Variants in ATG2A observed in about 807,000 individuals in gnomAD.
The protein encoded by ATG2A is autophagy-related protein 2 homolog A.
ATG2A carries 103 observed loss-of-function variants against 214.2 expected under a neutral mutation model. The observed-to-expected ratio is 0.48, with a 90% CI of 0.41 to 0.57. The LOEUF is 0.57. Ranked by LOEUF, ATG2A falls within the 20% of genes least tolerant of loss-of-function variation. ATG2A has a pLI of 0.00. For missense variants in ATG2A, 2,312 were observed against 2,613.2 expected (o/e 0.88, Z 2.51); for synonymous variants, 1,160 against 1,142.1 (o/e 1.02, Z -0.32).
At position 64,911,239 on chromosome 11, in the gene ATG2A, C is replaced by T. The variant is rs767644437; in HGVS notation, c.1265G>A (p.Arg422His). 5.0e-6 allele frequency: 8 copies of T among 1,613,866 alleles called. No homozygotes were observed. The highest frequency in any genetic ancestry group is 3.3e-5 in the South Asian group (3 of 91,084). ...MAPNPLLDTMRPDSLLKMTLG... is the reference protein window; with the variant it reads ...MAPNPLLDTMHPDSLLKMTLG... ...GGTCATCTTCAGCAGCGAGTCAGGG[C>T]GCATGGTGTCCAGGAGGGGGTTGGG... Residue 422 changes from arginine to histidine, a missense_variant, in exon 10 of 41, where the codon CGC becomes CAC. By Grantham distance (29) the Arg-to-His change is conservative. Coordinates refer to ENST00000377264, the MANE Select transcript of ATG2A (RefSeq NM_015104.3).
chr11:64,898,738 C>A lies in ATG2A; in HGVS notation c.4569G>T (p.Val1523=). 1 of 1,614,092 alleles carries A rather than the reference C, an allele frequency of 6.2e-7. No homozygotes were observed. The highest frequency in any genetic ancestry group is 8.5e-7 in the Non-Finnish European group (1 of 1,180,012). ...GCCGGTCTCGGACCTCCAGCTCCTG[C>A]ACGATGAACACCTGACGGGACAGCG... is the stretch of plus-strand genomic sequence containing the variant. ...ERPLSRQVFI[V]QELEVRDRLA... Residue 1523 remains valine, a synonymous_variant, in exon 32 of 41, where the codon GTG becomes GTT. Transcript: ENST00000377264. The surrounding 1 kb of genome is among the most constrained non-coding windows in gnomAD (Gnocchi z 4.5).
chr11:64,907,110 G>A, intron 19 of ATG2A, 145 bp downstream of exon 19: 1 of 1,007,704 alleles, frequency 9.9e-7, no homozygotes, highest in Non-Finnish European at 1.4e-6. Context: ...TGACAGGGTG[G>A]GCAGGCTGGC....
rs778318184 is a variant in ATG2A at position 64,907,241 on chromosome 11, G to A, written c.2832+14C>T. 27 of 1,479,040 alleles carry A rather than the reference G, an allele frequency of 1.8e-5. 1 individual carries two copies. In the Admixed American group the frequency reaches 2.6e-4, roughly 14 times the overall value. 91.6% of individuals were successfully genotyped at this position (1,479,040 alleles called of 1,614,324 possible). ...TCTGAAGTTTGGGGCCCGCCTGCCCGGGGCTGCACTCACCTTGGTCTCACA... is the reference window on the plus strand; with the variant it reads ...TCTGAAGTTTGGGGCCCGCCTGCCCAGGGCTGCACTCACCTTGGTCTCACA... On this transcript the variant is annotated intron_variant, in intron 19 of 40. Transcript: ENST00000377264.
rs1243312475 is a variant in ATG2A at position 64,913,121 on chromosome 11, G to A, written c.742C>T (p.Pro248Ser). Residue 248 changes from proline to serine, a missense_variant, in exon 6 of 41, where the codon CCC (proline) becomes TCC (serine). By Grantham distance (74) the Pro-to-Ser change is moderately conservative (BLOSUM62 -1). Coordinates refer to ENST00000377264, the MANE Select transcript of ATG2A (RefSeq NM_015104.3). This position sits in a 1 kb window ranked among gnomAD's most constrained non-coding sequence, Gnocchi z 4.3. Reference sequence around the variant, plus strand: ...GAGCAGCTGCCGATCTGCAAGGGGGGCTCTGGAGGCTCTTCCTGGGAGACG... The same window carrying A: ...GAGCAGCTGCCGATCTGCAAGGGGGACTCTGGAGGCTCTTCCTGGGAGACG... ...ELPAQEEPPE[P>S]PLQIGSCSGY... The A allele has an allele frequency of 6.3e-7, 1 of 1,579,184 alleles. No individual in the cohort carries two copies. Among genetic ancestry groups the A allele is most frequent in the Non-Finnish European group, 8.6e-7 (1 of 1,159,040 alleles).
chr11:64,913,500 T>C lies in ATG2A; in HGVS notation c.591-99A>G. ...TCTAGGGGCACGGGGTCAGGGAGCC[T>C]AGCCTGCAGAGCTGCCCCATCACAC... is the stretch of plus-strand genomic sequence containing the variant. On this transcript the variant is annotated intron_variant, in intron 4 of 40. Transcript: ENST00000377264. This position sits in a 1 kb window ranked among gnomAD's most constrained non-coding sequence, Gnocchi z 4.3. The C allele has an allele frequency of 7.1e-7, 1 of 1,409,054 alleles. No homozygotes were observed. The allele number at this position is 1,409,054 out of a possible 1,614,324, so 87.3% of individuals were successfully genotyped here. A position where few individuals can be genotyped will look rare whatever the true frequency, so the allele number is the denominator to read the frequency against.
chr11:64,909,370 G>A lies in ATG2A; in HGVS notation c.2108-3C>T. 6.2e-7 allele frequency: 1 copy of A among 1,611,798 alleles called. No individual in the cohort carries two copies. Among genetic ancestry groups the A allele is most frequent in the Non-Finnish European group, 8.5e-7 (1 of 1,178,964 alleles). On this transcript the variant is annotated splice_polypyrimidine_tract_variant and splice_region_variant and intron_variant, in intron 14 of 40. Coordinates refer to ENST00000377264, the MANE Select transcript of ATG2A (RefSeq NM_015104.3). ...CTTCCCTCCATCTTCATAGATACCT[G>A]GAGGGGGATGGGGAATTAGGGGGGT...
rs377622456 is a variant in ATG2A at position 64,913,260 on chromosome 11, G to C, written c.726+6C>G. The C allele has an allele frequency of 6.2e-6, 10 of 1,611,582 alleles. No homozygotes were observed. The highest frequency in any genetic ancestry group is 1.3e-5 in the African/African-American group (1 of 75,026). ...ACAGGGGCTGTGGGAATCAGAGCCCGCTCACCTGTGCCGGGAGCTCCTCGT... is the reference window on the plus strand; with the variant it reads ...ACAGGGGCTGTGGGAATCAGAGCCCCCTCACCTGTGCCGGGAGCTCCTCGT... On this transcript the variant is annotated splice_donor_region_variant and intron_variant, in intron 5 of 40. Transcript: ENST00000377264. The surrounding 1 kb of genome is among the most constrained non-coding windows in gnomAD (Gnocchi z 4.3).
At position 64,905,667 on chromosome 11, in the gene ATG2A, ACTC is replaced by A; in HGVS notation, c.3372-15_3372-13del. 1 of 1,613,612 alleles carries A rather than the reference ACTC, an allele frequency of 6.2e-7. No individual in the cohort carries two copies. The highest frequency in any genetic ancestry group is 8.5e-7 in the Non-Finnish European group (1 of 1,179,864). On this transcript the variant is annotated splice_polypyrimidine_tract_variant and intron_variant, in intron 23 of 40. Transcript: ENST00000377264. ...GGAGGTAGAGTGGCCTGGGGGTGAT[ACTC>A]GGGCTGGGGCCGGCTCCTTACACCT...
chr11:64,909,255 C>T lies in ATG2A; in HGVS notation c.2204+16G>A, dbSNP rs1944670882. 2 of 1,613,314 alleles carry T rather than the reference C, an allele frequency of 1.2e-6. No individual in the cohort carries two copies. The highest frequency in any genetic ancestry group is 2.7e-5 in the African/African-American group (2 of 75,044). The stretch of plus-strand genomic sequence containing the variant: ...GAACCCTCCTCTCCTGGGCCCAGTC[C>T]AGAGCCCCTACTTACTGGGGCAGGA... On this transcript the variant is annotated intron_variant, in intron 15 of 40. Coordinates refer to ENST00000377264, the MANE Select transcript of ATG2A (RefSeq NM_015104.3).
At chr11:64,908,059 C>T (rs1944623398) in intron 16 of ATG2A, among the ~76,000 whole-genome samples, 169 bp from the exon 17 acceptor site, 1 of 152,224 alleles carries the variant, frequency 6.6e-6, no homozygotes, top group African/African-American at 2.4e-5. Flanking sequence ...TGATGGCACA[C>T]CTGTGCTGTT....
At chr11:64,910,575 C>A in intron 12 of ATG2A, 41 bp downstream of exon 12, 2 of 1,561,344 alleles carry the variant, frequency 1.3e-6, no homozygotes, top group South Asian at 1.2e-5. Flanking sequence ...GGGGTCAACA[C>A]GCCATGGGGA....
rs1264040221 is a variant in ATG2A at position 64,912,427 on chromosome 11, G to C, written c.826-4C>G. On this transcript the variant is annotated splice_polypyrimidine_tract_variant and splice_region_variant and intron_variant, in intron 6 of 40. Transcript: ENST00000377264. Reference sequence around the variant, plus strand: ...CCAGCTGTCCCGCCACCTCCAACTGGGGGCCAAGGAGGCAGCCATGGAGCC... The same window carrying C: ...CCAGCTGTCCCGCCACCTCCAACTGCGGGCCAAGGAGGCAGCCATGGAGCC... 1 of 1,546,946 alleles carries C rather than the reference G, an allele frequency of 6.5e-7. No homozygotes were observed. The highest frequency in any genetic ancestry group is 2.0e-5 in the Admixed American group (1 of 50,730).
rs1221097894 is a variant in ATG2A, at chr11:64,913,345, A to T, written c.647T>A (p.Val216Glu). The T allele has an allele frequency of 6.2e-7, 1 of 1,604,628 alleles. No individual in the cohort carries two copies. The highest frequency in any genetic ancestry group is 2.2e-5 in the East Asian group (1 of 44,600). ...GTGCAGGAAGGCAGGCGGCTGATGC[A>T]CGTCCACCGGCGGCGCCTGGCTTGG... ...RDPSQAPPVD[V>E]HQPPAFLHKL... Residue 216 changes from valine (V) to glutamate (E), a missense_variant, in exon 5 of 41, where the codon GTG (valine) becomes GAG (glutamate). Transcript: ENST00000377264. This position sits in a 1 kb window ranked among gnomAD's most constrained non-coding sequence, Gnocchi z 4.3.
Position 64,895,489 on chromosome 11 carries a change from C to T in ATG2A, c.5428-47G>A, listed in dbSNP as rs1392114899. 37 of 1,484,838 alleles carry T rather than the reference C, an allele frequency of 2.5e-5. No homozygotes were observed. The South Asian group carries it at 2.6e-4, about 10-fold the overall frequency. 92.0% of individuals were successfully genotyped at this position (1,484,838 alleles called of 1,614,324 possible). A position where few individuals can be genotyped will look rare whatever the true frequency, so the allele number is the denominator to read the frequency against. On this transcript the variant is annotated intron_variant, in intron 39 of 40. Transcript: ENST00000377264. This position sits in a 1 kb window ranked among gnomAD's most constrained non-coding sequence, Gnocchi z 5.0. ...GATGAGGACAGCTGGCTGGGGCACACGTCAGCCCCAGGCCCCCAGGACAGT... is the reference window on the plus strand; with the variant it reads ...GATGAGGACAGCTGGCTGGGGCACATGTCAGCCCCAGGCCCCCAGGACAGT...
At chr11:64,900,728 C>A in intron 30 of ATG2A, 99 bp from the exon 31 acceptor site, 1 of 1,458,762 alleles carries the variant, frequency 6.9e-7, no homozygotes, top group Non-Finnish European at 9.0e-7. Context: ...CCCCGCTAGC[C>A]CCAGTCCTGG....
chr11:64,902,846 G>A (rs1173314811), intron 26 of ATG2A, among the ~76,000 whole-genome samples, 166 bp from the exon 27 acceptor site: 4 of 152,152 alleles, frequency 2.6e-5, no homozygotes, highest in Non-Finnish European at 4.4e-5. Flanking sequence ...CTGAACAGAT[G>A]AACAAACTGT....
chr11:64,903,703 G>T lies in ATG2A; in HGVS notation c.3465-43C>A. On this transcript the variant is annotated intron_variant, in intron 24 of 40. Coordinates refer to ENST00000377264, the MANE Select transcript of ATG2A (RefSeq NM_015104.3). This position sits in a 1 kb window ranked among gnomAD's most constrained non-coding sequence, Gnocchi z 4.2. ...TGAGAAGGGCCCGGGCACCGCTGCA[G>T]GGGGCAGCTCCACGGGAGCCGAGCA... The T allele has an allele frequency of 6.5e-7, 1 of 1,531,498 alleles. No individual in the cohort carries two copies. Among genetic ancestry groups the T allele is most frequent in the Non-Finnish European group, 8.8e-7 (1 of 1,133,258 alleles). The allele number at this position is 1,531,498 out of a possible 1,614,324, so 94.9% of individuals were successfully genotyped here. A position where few individuals can be genotyped will look rare whatever the true frequency, so the allele number is the denominator to read the frequency against.
rs2136642424 is a variant in ATG2A, at chr11:64,913,752, G to A, written c.590+69C>T. 2 of 1,486,712 alleles carry A rather than the reference G, an allele frequency of 1.3e-6. No individual in the cohort carries two copies. The highest frequency in any genetic ancestry group is 2.3e-5 in the East Asian group (1 of 44,156). The allele number at this position is 1,486,712 out of a possible 1,614,324, so 92.1% of individuals were successfully genotyped here. ...CTCTTCCCAGGAACCTAGGCTGCGG[G>A]TGGGGACCATCCAGCAGCCCCCACT... On this transcript the variant is annotated intron_variant, in intron 4 of 40. Transcript: ENST00000377264. The surrounding 1 kb of genome is among the most constrained non-coding windows in gnomAD (Gnocchi z 4.3).
intron 29 of ATG2A, 88 bp from the exon 30 acceptor site, chr11:64,901,180 T>TC: frequency 1.5e-6 from 2 of 1,366,452 alleles, no homozygotes; most frequent in Non-Finnish European, 9.9e-7. Flanking sequence ...CACTTCTTTT[T>TC]CATTTTTTTT....
Sources: allele counts gnomAD v4.1 joint callset (sites outside exome capture counted in the v4.1 genomes callset), GRCh38; gene constraint gnomAD v4.1.1; non-coding constraint Gnocchi (gnomAD v3.1); transcripts MANE v1.5; gene names NCBI Gene and HGNC (gene_info 2026-07-23, HGNC 2026-07-21).